The following CDIN1 variants were observed in gnomAD, a reference collection of about 807,000 sequenced individuals.
CDIN1 encodes the protein CDAN1 interacting nuclease 1, also known as CDAN1-interacting nuclease 1.
CDIN1 carries 33 observed loss-of-function variants against 45.3 expected under a neutral mutation model. That is an observed-to-expected ratio of 0.73 (90% CI 0.55 to 0.97). The LOEUF (loss-of-function observed/expected upper bound fraction) is 0.97. Among genes scored for constraint, CDIN1 ranks in the 50% least tolerant of loss-of-function variants. The pLI is 0.00. For missense variants in CDIN1, 303 were observed against 339.4 expected (o/e 0.89, Z 0.84); for synonymous variants, 118 against 124.4 (o/e 0.95, Z 0.34).
intron 5 of CDIN1, among the ~76,000 whole-genome samples, chr15:36,689,590 AG>A (rs1240154247): frequency 6.6e-5 from 10 of 152,194 alleles, no homozygotes; most frequent in Non-Finnish European, 1.5e-4. Context: ...TCCCTCTAGA[AG>A]GTAATGAAAG....
intron 10 of CDIN1, among the ~76,000 whole-genome samples, chr15:36,770,633 A>G (rs2054051009): frequency 6.6e-6 from 1 of 151,936 alleles, no homozygotes; most frequent in African/African-American, 2.4e-5. Context: ...GTTTTTTGTT[A>G]GAGACAGGGT....
intron 10 of CDIN1, among the ~76,000 whole-genome samples, chr15:36,779,858 G>A (rs2054306157): frequency 6.6e-6 from 1 of 152,194 alleles, no homozygotes; most frequent in African/African-American, 2.4e-5. Flanking sequence ...ACATCAAGTA[G>A]TGTGAATATA....
chr15:36,690,458 C>T lies in CDIN1; in HGVS notation c.347-1227C>T, dbSNP rs1050329483. ...TAATTTTTTGCATTTTTAGTAGAGA[C>T]GGGGTTTCACCTTGTTAGCCAGGAT... On this transcript the variant is annotated intron_variant, in intron 5 of 10. Coordinates refer to ENST00000566621, the MANE Select transcript of CDIN1 (RefSeq NM_001321759.2). Among the ~76,000 whole-genome samples the T allele has an allele frequency of 7.9e-5, 12 of 151,716 alleles. 1 individual carries two copies. Among genetic ancestry groups the T allele is most frequent in the Admixed American group, 7.9e-4 (12 of 15,240 alleles).
At chr15:36,584,544 A>C (rs144675270) in intron 1 of CDIN1, among the ~76,000 whole-genome samples, 1 of 152,352 alleles carries the variant, frequency 6.6e-6, no homozygotes, top group Non-Finnish European at 1.5e-5. Context: ...TAGATTTATG[A>C]ATTTTTATTT....
intron 5 of CDIN1, among the ~76,000 whole-genome samples, chr15:36,666,466 C>G (rs1310424695): frequency 1.3e-5 from 2 of 152,204 alleles, no homozygotes; most frequent in East Asian, 3.8e-4. Flanking sequence ...CCTCACTATA[C>G]ATACACATTT....
intron 8 of CDIN1, among the ~76,000 whole-genome samples, chr15:36,700,947 G>A (rs1005427886): frequency 1.3e-4 from 20 of 151,956 alleles, no homozygotes; most frequent in East Asian, 1.2e-3. Flanking sequence ...GTAGGCACCT[G>A]TAGTACCAGC....
chr15:36,610,566 A>G (rs2038600830), intron 1 of CDIN1, among the ~76,000 whole-genome samples: 1 of 152,082 alleles, frequency 6.6e-6, no homozygotes, highest in Non-Finnish European at 1.5e-5. Context: ...TTTGTATATA[A>G]CTGCGTGTGA....
chr15:36,693,914 G>T (rs1210420984), intron 7 of CDIN1, among the ~76,000 whole-genome samples: 1 of 152,042 alleles, frequency 6.6e-6, no homozygotes, highest in Non-Finnish European at 1.5e-5. Flanking sequence ...TTTTTTGGTT[G>T]TGTTATTGCC....
intron 1 of CDIN1, chr15:36,618,719 C>G (rs2039011925): frequency 1.3e-6 from 1 of 780,680 alleles, no homozygotes; most frequent in Admixed American, 1.7e-5. Context: ...AGTACCAGTT[C>G]TCCATGTGCA....
At chr15:36,641,306 C>G (rs2040094993) in intron 1 of CDIN1, 1 of 152,294 alleles carries the variant, frequency 6.6e-6, no homozygotes, top group Non-Finnish European at 1.5e-5. Context: ...AGCAGTTCCA[C>G]AGTGTCCTCA....
intron 9 of CDIN1, 95 bp downstream of exon 9, chr15:36,709,383 A>G: frequency 2.5e-6 from 2 of 806,786 alleles, no homozygotes; most frequent in Non-Finnish European, 3.7e-6. Flanking sequence ...AATATTATAA[A>G]TGGGTGGATA....
intron 5 of CDIN1, among the ~76,000 whole-genome samples, chr15:36,667,351 C>T (rs925839415): frequency 6.6e-6 from 1 of 152,176 alleles, no homozygotes; most frequent in African/African-American, 2.4e-5. Flanking sequence ...CATGTAAGTG[C>T]TTAACCTTTA....
chr15:36,674,855 C>G (rs1354101191), intron 5 of CDIN1, among the ~76,000 whole-genome samples: 1 of 152,056 alleles, frequency 6.6e-6, no homozygotes, highest in Non-Finnish European at 1.5e-5. Flanking sequence ...ATATAACTCT[C>G]TTTTTCTTGC....
chr15:36,680,364 A>C (rs979877810), intron 5 of CDIN1, among the ~76,000 whole-genome samples: 1 of 152,226 alleles, frequency 6.6e-6, no homozygotes, highest in South Asian at 2.1e-4. Context: ...CAAAAAAGTA[A>C]ATAAGTATTC....
intron 10 of CDIN1, among the ~76,000 whole-genome samples, chr15:36,800,909 G>GTGTA (rs1156514805): frequency 1.4e-3 from 31 of 22,388 alleles, no homozygotes; most frequent in East Asian, 9.6e-3. Flanking sequence ...GTGTGTGTGT[G>GTGTA]TATATATATA....
intron 5 of CDIN1, among the ~76,000 whole-genome samples, chr15:36,686,111 G>A (rs1443701388): frequency 3.3e-5 from 5 of 151,996 alleles, no homozygotes; most frequent in South Asian, 2.1e-4. Context: ...ACATGCACAC[G>A]TATGTTTATT....
In CDIN1 at chr15:36,579,968, G is replaced by GTCCA; in HGVS notation, c.101+10_101+13dup. ...TGAAGCAGAGGTTTCCCAGGTAAGT[G>GTCCA]TCCATCTCTCCCCTCTCACAGCCCT... is the stretch of plus-strand genomic sequence containing the variant. On this transcript the variant is annotated splice_region_variant and intron_variant, in intron 1 of 10. Transcript: ENST00000566621. 6.2e-7 allele frequency: 1 copy of GTCCA among 1,610,822 alleles called. No homozygotes were observed. The highest frequency in any genetic ancestry group is 8.5e-7 in the Non-Finnish European group (1 of 1,178,332).
intron 10 of CDIN1, among the ~76,000 whole-genome samples, chr15:36,785,455 C>CG (rs34424859): frequency 0.2 from 30,074 of 151,912 alleles, 5,839 homozygotes; most frequent in African/African-American, 0.51. Flanking sequence ...CTTACTAACC[C>CG]GGGAGTCGAG....
chr15:36,800,111 T>C (rs1426079469), intron 10 of CDIN1, among the ~76,000 whole-genome samples: 1 of 152,210 alleles, frequency 6.6e-6, no homozygotes, highest in African/African-American at 2.4e-5. Context: ...AATAACATTT[T>C]CTTTGTGGCA....
Sources: allele counts gnomAD v4.1 joint callset (sites outside exome capture counted in the v4.1 genomes callset), GRCh38; gene constraint gnomAD v4.1.1; transcripts MANE v1.5; gene names NCBI Gene and HGNC (gene_info 2026-07-23, HGNC 2026-07-21).